C1QTNF6: variants seen among roughly 807,000 people sequenced by gnomAD.
The protein encoded by C1QTNF6 is complement C1q tumor necrosis factor-related protein 6.
In C1QTNF6, 17 loss-of-function variants were observed where a neutral mutation model predicts 20.7. The ratio of observed to expected loss-of-function variants is 0.82; its 90% CI spans 0.56 to 1.23. C1QTNF6 has a LOEUF of 1.23. Among genes scored for constraint, C1QTNF6 ranks in the 50% most tolerant of loss-of-function variants. The probability of loss-of-function intolerance (pLI) is 0.00; values close to 1 mark genes in which losing one functional copy is unlikely to be tolerated. For missense variants in C1QTNF6, 329 were observed against 389.7 expected, an observed-to-expected ratio of 0.84 and a Z score of 1.31; for synonymous variants, 130 against 156.3, an observed-to-expected ratio of 0.83 and a Z score of 1.25.
chr22:37,186,936 C>T (rs1039303537), intron 1 of C1QTNF6, among the ~76,000 whole-genome samples: 1 of 152,112 alleles, frequency 6.6e-6, no homozygotes, highest in African/African-American at 2.4e-5. Context: ...GGCAGGATGG[C>T]CAGGTGCAGT....
At chr22:37,199,075 G>T (rs1471007120), upstream of C1QTNF6, among the ~76,000 whole-genome samples, 1 of 152,224 alleles carries the variant, frequency 6.6e-6, no homozygotes, top group African/African-American at 2.4e-5. Context: ...GATTGTTGGA[G>T]GGGAAACCGA....
rs905728204 is a variant in C1QTNF6 at position 37,184,147 on chromosome 22, G to A, written c.289+1071C>T. On this transcript the variant is annotated intron_variant, in intron 2 of 2. Transcript: ENST00000337843. The surrounding 1 kb of genome is among the most constrained non-coding windows in gnomAD (Gnocchi z 4.0). ...GGAAGCTGGGTGGGGAGGGGGGTGT[G>A]AGGAAGAGCAACGTCCTCACCACGA... 1.8e-4 allele frequency among the ~76,000 whole-genome samples: 28 copies of A among 152,140 alleles called. No individual in the cohort carries two copies. The highest frequency in any genetic ancestry group is 5.9e-5 in the Non-Finnish European group (4 of 68,026).
In C1QTNF6 at chr22:37,181,962, G is replaced by A; in HGVS notation, c.*226C>T. 1.8e-6 allele frequency: 1 copy of A among 566,352 alleles called. No individual in the cohort carries two copies. The allele number at this position is 566,352 out of a possible 1,614,324, so 35.1% of individuals were successfully genotyped here. ...GGGCTACGAGGCTGGGAAAGTTCTA[G>A]AATATTTAGGTTAGCAAGCTTCTTA... On this transcript the variant is annotated 3_prime_UTR_variant, in exon 3 of 3. Coordinates refer to ENST00000337843, the MANE Select transcript of C1QTNF6 (RefSeq NM_031910.4).
rs774652920 is a variant in C1QTNF6, at chr22:37,182,286, G to T, written c.739C>A (p.Arg247=). The change falls in exon 3 of 3, where the codon CGG becomes AGG. Residue 247 remains arginine (R), a synonymous_variant. Transcript: ENST00000337843. Reference sequence around the variant, plus strand: ...TTCTCGCGCTGGCGCTTGAAGAGCCGCACCCAGACGCGGTCCCCGTAGGCC... The same window carrying T: ...TTCTCGCGCTGGCGCTTGAAGAGCCTCACCCAGACGCGGTCCCCGTAGGCC... The part of the protein sequence containing the change: ...DLAYGDRVWV[R]LFKRQRENAI... 6.2e-6 allele frequency: 10 copies of T among 1,613,978 alleles called. No homozygotes were observed. Among genetic ancestry groups the T allele is most frequent in the Non-Finnish European group, 8.5e-6 (10 of 1,179,994 alleles).
In C1QTNF6 at chr22:37,185,418, G is replaced by A. The variant is rs1238897205; in HGVS notation, c.89C>T (p.Ala30Val). ...CATCAGGAGAAAGAGCAGGAGCGCT[G>A]CCCAGACGGGACCCAGGGCGGCTGT... is the stretch of plus-strand genomic sequence containing the variant. ...MGTAALGPVW[A>V]ALLLFLLMCE... The change falls in exon 2 of 3, where the codon GCA becomes GTA. Residue 30 changes from alanine (A) to valine (V), a missense_variant. Transcript: ENST00000337843. 4 of 1,610,452 alleles carry A rather than the reference G, an allele frequency of 2.5e-6. No homozygotes were observed. The highest frequency in any genetic ancestry group is 3.4e-6 in the Non-Finnish European group (4 of 1,178,128).
upstream of C1QTNF6, among the ~76,000 whole-genome samples, chr22:37,199,034 C>A (rs1056568044): frequency 1.3e-5 from 2 of 152,242 alleles, no homozygotes; most frequent in Non-Finnish European, 2.9e-5. Context: ...CAGCTCCGCG[C>A]CAGGCCCTCT....
chr22:37,182,044 C>G lies in C1QTNF6; in HGVS notation c.*144G>C. 1.2e-6 allele frequency: 1 copy of G among 863,036 alleles called. No homozygotes were observed. Among genetic ancestry groups the G allele is most frequent in the Non-Finnish European group, 1.7e-6 (1 of 577,306 alleles). 53.5% of individuals were successfully genotyped at this position (863,036 alleles called of 1,614,324 possible). ...AATAGGCTGGGAGGGATGATGGCAGCCAAGATAGAAGCAGGGTCTCCCCAG... is the reference window on the plus strand; with the variant it reads ...AATAGGCTGGGAGGGATGATGGCAGGCAAGATAGAAGCAGGGTCTCCCCAG... On this transcript the variant is annotated 3_prime_UTR_variant, in exon 3 of 3. Transcript: ENST00000337843.
In C1QTNF6 at chr22:37,180,837, G is replaced by A. The variant is rs936020686; in HGVS notation, c.*1351C>T. ...GGCAGGAAGGGGATCCCAGTGAGGA[G>A]GGCAGGTCTTCTCGCAGGATGCCGT... On this transcript the variant is annotated 3_prime_UTR_variant, in exon 3 of 3. Coordinates refer to ENST00000337843, the MANE Select transcript of C1QTNF6 (RefSeq NM_031910.4). The A allele has an allele frequency of 3.3e-5, 5 of 152,976 alleles. No individual in the cohort carries two copies. The highest frequency in any genetic ancestry group is 1.2e-4 in the African/African-American group (5 of 41,468). 9.5% of individuals were successfully genotyped at this position (152,976 alleles called of 1,614,324 possible).
chr22:37,191,545 A>T (rs531589647), upstream of C1QTNF6: 121 of 152,316 alleles, frequency 7.9e-4, no homozygotes, highest in African/African-American at 2.8e-3. Flanking sequence ...GATTTTGGAA[A>T]GTTTGTCAAA....
At position 37,182,709 on chromosome 22, in the gene C1QTNF6, C is replaced by T; in HGVS notation, c.316G>A (p.Gly106Ser). The T allele has an allele frequency of 3.1e-6, 5 of 1,611,280 alleles. No individual in the cohort carries two copies. Among genetic ancestry groups the T allele is most frequent in the South Asian group, 2.2e-5 (2 of 90,890 alleles). The change falls in exon 3 of 3, where the codon GGC (glycine) becomes AGC (serine). Residue 106 changes from glycine (G) to serine (S), a missense_variant. Physicochemically the swap from Gly to Ser is moderately conservative, Grantham distance 56. Coordinates refer to ENST00000337843, the MANE Select transcript of C1QTNF6 (RefSeq NM_031910.4). ...TCCCTGCCCATGTACCCTGGCAGGC[C>T]CATTGGGCCTGGGTCCCCTTTGTCA... is the stretch of plus-strand genomic sequence containing the variant. ...KGDKGDPGPM[G>S]LPGYMGREGP...
intron 2 of C1QTNF6, among the ~76,000 whole-genome samples, chr22:37,194,109 G>A (rs1013339903): frequency 2.1e-4 from 31 of 146,024 alleles, no homozygotes; most frequent in Non-Finnish European, 4.0e-4. Flanking sequence ...ACTCCCACAC[G>A]GTCACAAGGT....
exon 2 of C1QTNF6, chr22:37,195,454 G>A (rs1285637627): frequency 6.6e-6 from 1 of 152,106 alleles, no homozygotes; most frequent in Admixed American, 6.5e-5. Context: ...TCCCTTCGTG[G>A]TTCACTAGAA....
rs1005435383 is a variant in C1QTNF6 at position 37,186,146 on chromosome 22, C to T, written c.52-691G>A. The T allele has an allele frequency of 5.1e-6, 5 of 985,322 alleles. No individual in the cohort carries two copies. The African/African-American group carries it at 8.7e-5, about 17-fold the overall frequency. 61.0% of individuals were successfully genotyped at this position (985,322 alleles called of 1,614,324 possible). ...GTGCGCGGTGATGGTGTCATTGCAT[C>T]GCTGAGCAGTCAGGAGAAGGAATAC... On this transcript the variant is annotated intron_variant, in intron 1 of 2. Coordinates refer to ENST00000337843, the MANE Select transcript of C1QTNF6 (RefSeq NM_031910.4).
Position 37,185,393 on chromosome 22 carries a change from C to T in C1QTNF6, c.114G>A (p.Met38Ile). The change falls in exon 2 of 3, where the codon ATG becomes ATA. Residue 38 changes from methionine to isoleucine, a missense_variant. Physicochemically the swap from Met to Ile is conservative, Grantham distance 10. Transcript: ENST00000337843. ...VWAALLLFLL[M>I]CEIPMVELTF... is the part of the protein sequence containing the mutation. ...TGAGCTCCACCATAGGGATCTCACA[C>T]ATCAGGAGAAAGAGCAGGAGCGCTG... The T allele has an allele frequency of 6.2e-7, 1 of 1,613,398 alleles. No homozygotes were observed. The highest frequency in any genetic ancestry group is 8.5e-7 in the Non-Finnish European group (1 of 1,179,750).
upstream of C1QTNF6, chr22:37,191,643 T>C (rs1333510686): frequency 1.3e-5 from 2 of 152,196 alleles, no homozygotes; most frequent in African/African-American, 4.8e-5. Context: ...AACTCAAAGA[T>C]GTTTTTAAGG....
intron 1 of C1QTNF6, chr22:37,186,099 G>A (rs1924310239): frequency 3.0e-6 from 3 of 985,412 alleles, no homozygotes; most frequent in South Asian, 4.7e-5. Context: ...AGAAAGCAAC[G>A]TCCATGAGAG....
upstream of C1QTNF6, among the ~76,000 whole-genome samples, chr22:37,188,968 G>A (rs988574447): frequency 1.3e-5 from 2 of 152,166 alleles, no homozygotes; most frequent in Non-Finnish European, 2.9e-5. Flanking sequence ...ACAAAAGAAT[G>A]GCTACTCCAT....
At chr22:37,185,076 GA>G (rs1157072081) in intron 2 of C1QTNF6, 141 bp downstream of exon 2, 12 of 1,393,652 alleles carry the variant, frequency 8.6e-6, no homozygotes, top group Non-Finnish European at 1.0e-5. Context: ...TCAGTGTTTG[GA>G]ACAGACCAGG....
chr22:37,182,059 G>T lies in C1QTNF6; in HGVS notation c.*129C>A. The T allele has an allele frequency of 1.0e-6, 1 of 986,506 alleles. No individual in the cohort carries two copies. The highest frequency in any genetic ancestry group is 1.5e-6 in the Non-Finnish European group (1 of 687,890). The allele number at this position is 986,506 out of a possible 1,614,324, so 61.1% of individuals were successfully genotyped here. ...ATGATGGCAGCCAAGATAGAAGCAG[G>T]GTCTCCCCAGAATGCCAGGTCCCCG... On this transcript the variant is annotated 3_prime_UTR_variant, in exon 3 of 3. Transcript: ENST00000337843.
Sources: gnomAD v4.1 joint callset for allele counts (sites outside exome capture counted in the v4.1 genomes callset) on GRCh38, gnomAD v4.1.1 for gene constraint, Gnocchi (gnomAD v3.1) non-coding constraint, MANE v1.5 for transcripts, NCBI Gene and HGNC (gene_info 2026-07-23, HGNC 2026-07-21) for gene names.